MAN2A1: variants seen among roughly 807,000 people sequenced by gnomAD.
MAN2A1 encodes the protein mannosidase alpha class 2A member 1.
Under a neutral mutation model 142.6 loss-of-function variants are expected in MAN2A1, and 76 were observed. The observed-to-expected ratio is 0.53, with a 90% confidence interval of 0.44 to 0.65. The LOEUF is 0.65. MAN2A1 is among the 30% of genes least tolerant of loss of function. The pLI, the probability that MAN2A1 is intolerant of heterozygous loss-of-function variation, is 0.00. For missense variants in MAN2A1, 1,311 were observed against 1,365.1 expected, an observed-to-expected ratio of 0.96 and a Z score of 0.62; for synonymous variants, 559 against 473.2, an observed-to-expected ratio of 1.18 and a Z score of -2.35.
chr5:109,733,803 G>A (rs1179765575), intron 4 of MAN2A1, among the ~76,000 whole-genome samples: 2 of 152,166 alleles, frequency 1.3e-5, no homozygotes, highest in Non-Finnish European at 2.9e-5. Context: ...TGTTCATCAA[G>A]GATATTGGTC....
At chr5:109,812,490 C>A (rs1025726408) in intron 12 of MAN2A1, among the ~76,000 whole-genome samples, 1 of 152,078 alleles carries the variant, frequency 6.6e-6, no homozygotes, top group African/African-American at 2.4e-5. Flanking sequence ...CATGTAAATT[C>A]ATGTTTCCAT....
At chr5:109,809,025 G>C (rs1228603241) in intron 12 of MAN2A1, among the ~76,000 whole-genome samples, 3 of 152,016 alleles carry the variant, frequency 2.0e-5, no homozygotes. Flanking sequence ...ATTTCTAAAA[G>C]TAGGAATCAT....
At chr5:109,810,990 TA>T (rs1389557284) in intron 12 of MAN2A1, among the ~76,000 whole-genome samples, 54 of 69,462 alleles carry the variant, frequency 7.8e-4, no homozygotes, top group African/African-American at 3.4e-3. Flanking sequence ...CAAGTTTTAC[TA>T]TTTTTTTTTT....
At chr5:109,835,047 A>G (rs1055223140) in intron 16 of MAN2A1, among the ~76,000 whole-genome samples, 3 of 152,116 alleles carry the variant, frequency 2.0e-5, no homozygotes, top group Non-Finnish European at 4.4e-5. Context: ...TCAGTTTGTC[A>G]TTGTTGTGAG....
intron 4 of MAN2A1, among the ~76,000 whole-genome samples, chr5:109,749,938 G>A (rs1752502367): frequency 6.6e-6 from 1 of 151,998 alleles, no homozygotes; most frequent in South Asian, 2.1e-4. Context: ...TGAATGTACA[G>A]CTACAATCCA....
At chr5:109,709,262 T>C (rs1159381203) in intron 1 of MAN2A1, among the ~76,000 whole-genome samples, 2 of 152,246 alleles carry the variant, frequency 1.3e-5, no homozygotes, top group Non-Finnish European at 2.9e-5. Flanking sequence ...GTTTTACCTA[T>C]GAGAATGGCA....
intron 16 of MAN2A1, among the ~76,000 whole-genome samples, chr5:109,830,696 T>A (rs1754884277): frequency 6.6e-6 from 1 of 152,258 alleles, no homozygotes; most frequent in African/African-American, 2.4e-5. Context: ...AAGTTATAGC[T>A]AGGCAGGCTT....
At chr5:109,780,516 G>T (rs892782882) in intron 8 of MAN2A1, among the ~76,000 whole-genome samples, 2 of 147,050 alleles carry the variant, frequency 1.4e-5, no homozygotes, top group Non-Finnish European at 3.0e-5. Flanking sequence ...ATATCTGTGT[G>T]TGTGTGTGTG....
intron 20 of MAN2A1, chr5:109,864,065 T>TA (rs1211929046): frequency 6.6e-6 from 1 of 152,202 alleles, no homozygotes; most frequent in Non-Finnish European, 1.5e-5. Flanking sequence ...TTTAGTACAT[T>TA]AAAAAATCTT....
At chr5:109,809,572 C>G (rs1329031613) in intron 12 of MAN2A1, among the ~76,000 whole-genome samples, 2 of 151,984 alleles carry the variant, frequency 1.3e-5, no homozygotes, top group Non-Finnish European at 2.9e-5. Context: ...TATATAATTC[C>G]ATTTTCTCCT....
chr5:109,784,981 T>C, intron 10 of MAN2A1, 55 bp downstream of exon 10: 1 of 1,294,064 alleles, frequency 7.7e-7, no homozygotes, highest in African/African-American at 1.5e-5. Flanking sequence ...TTATGGGTAA[T>C]AAGATTATAT....
chr5:109,720,737 A>G (rs988562305), intron 3 of MAN2A1, among the ~76,000 whole-genome samples: 1 of 152,202 alleles, frequency 6.6e-6, no homozygotes, highest in African/African-American at 2.4e-5. Flanking sequence ...TCATGTTGAG[A>G]TGCATTCAAA....
intron 7 of MAN2A1, 124 bp downstream of exon 7, chr5:109,770,665 C>A: frequency 1.2e-6 from 1 of 847,100 alleles, no homozygotes; most frequent in Non-Finnish European, 1.8e-6. Flanking sequence ...AGTATTCATT[C>A]AAACCAGATC....
intron 14 of MAN2A1, 61 bp downstream of exon 14, chr5:109,819,948 A>G (rs1362241534): frequency 2.2e-5 from 26 of 1,205,158 alleles, no homozygotes; most frequent in Non-Finnish European, 3.0e-5. Flanking sequence ...CAATGTGTGT[A>G]GATTAATTAG....
intron 4 of MAN2A1, among the ~76,000 whole-genome samples, chr5:109,747,774 C>T (rs1001913778): frequency 1.3e-5 from 2 of 152,014 alleles, no homozygotes; most frequent in Admixed American, 6.6e-5. Flanking sequence ...TGGAATTGCA[C>T]CAAGGAATCA....
chr5:109,767,650 A>C lies in MAN2A1; in HGVS notation c.951A>C (p.Ala317=). The C allele has an allele frequency of 6.2e-7, 1 of 1,613,764 alleles. No individual in the cohort carries two copies. The highest frequency in any genetic ancestry group is 2.2e-5 in the East Asian group (1 of 44,864). ...SHMLIQRVHY[A]VKKHFALHKT... Reference sequence around the variant, plus strand: ...TGCTTATCCAGAGAGTTCATTATGCAGTTAAAAAACACTTTGCACTGCATA... The same window carrying C: ...TGCTTATCCAGAGAGTTCATTATGCCGTTAAAAAACACTTTGCACTGCATA... Residue 317 remains alanine, a synonymous_variant, in exon 6 of 22, where the codon GCA becomes GCC. Coordinates refer to ENST00000261483, the MANE Select transcript of MAN2A1 (RefSeq NM_002372.4).
chr5:109,739,852 C>T (rs956598428), intron 4 of MAN2A1, among the ~76,000 whole-genome samples: 14 of 152,170 alleles, frequency 9.2e-5, no homozygotes, highest in African/African-American at 3.1e-4. Context: ...CCAGACAAGT[C>T]AGCTGTGACC....
rs1463976791 is a variant in MAN2A1 at position 109,845,923 on chromosome 5, C to A, written c.2759C>A (p.Thr920Asn). ...LPLQANVYPM[T>N]TMAYIQDAKH... is the part of the protein sequence containing the mutation. ...CTTCAAGCAAATGTCTATCCCATGACCACAATGGCCTATATCCAGGATGCC... is the reference window on the plus strand; with the variant it reads ...CTTCAAGCAAATGTCTATCCCATGAACACAATGGCCTATATCCAGGATGCC... The change falls in exon 18 of 22, where the codon ACC becomes AAC. Residue 920 changes from threonine (T) to asparagine (N), a missense_variant. Coordinates refer to ENST00000261483, the MANE Select transcript of MAN2A1 (RefSeq NM_002372.4). 3.1e-6 allele frequency: 5 copies of A among 1,613,598 alleles called. No homozygotes were observed. Among genetic ancestry groups the A allele is most frequent in the Middle Eastern group, 3.3e-4 (2 of 6,080 alleles).
chr5:109,838,887 G>A (rs554995493), intron 16 of MAN2A1, among the ~76,000 whole-genome samples: 1 of 152,306 alleles, frequency 6.6e-6, no homozygotes, highest in Admixed American at 6.5e-5. Flanking sequence ...TTTCTCAACA[G>A]AAATACTTTA....
Sources: allele counts gnomAD v4.1 joint callset (sites outside exome capture counted in the v4.1 genomes callset), GRCh38; gene constraint gnomAD v4.1.1; transcripts MANE v1.5; gene names NCBI Gene and HGNC (gene_info 2026-07-23, HGNC 2026-07-21).